The following PCLO variants were observed in gnomAD, a reference collection of about 807,000 sequenced individuals.
The protein encoded by PCLO is piccolo presynaptic cytomatrix protein.
PCLO carries 82 observed loss-of-function variants against 427.5 expected under a neutral mutation model. That is an observed-to-expected ratio of 0.19 (90% CI 0.16 to 0.23). PCLO has a LOEUF of 0.23. PCLO is among the 10% of genes least tolerant of loss of function. PCLO has a pLI of 1.00. For synonymous variants in PCLO, 2,357 were observed against 2,155.4 expected, an observed-to-expected ratio of 1.09 and a Z score of -2.59; for missense variants, 6,239 against 6,115.9, an observed-to-expected ratio of 1.02 and a Z score of -0.67.
chr7:82,890,239 C>G (rs1379767882), intron 9 of PCLO, among the ~76,000 whole-genome samples: 1 of 151,900 alleles, frequency 6.6e-6, no homozygotes, highest in Admixed American at 6.6e-5. Flanking sequence ...AATACGTGTT[C>G]TCTATATTCC....
At chr7:82,824,132 T>C (rs935327701) in intron 19 of PCLO, 104 bp downstream of exon 19, 1 of 723,802 alleles carries the variant, frequency 1.4e-6, no homozygotes, top group Non-Finnish European at 2.2e-6. Flanking sequence ...TCCAGTCGTG[T>C]CTAATCTATT....
intron 22 of PCLO, among the ~76,000 whole-genome samples, chr7:82,771,512 A>G (rs1430547979): frequency 1.3e-5 from 2 of 152,066 alleles, no homozygotes; most frequent in African/African-American, 4.8e-5. Flanking sequence ...GTCAATGACA[A>G]ATACCAGTTG....
intron 16 of PCLO, among the ~76,000 whole-genome samples, chr7:82,831,840 C>A (rs1159099181): frequency 6.6e-6 from 1 of 152,164 alleles, no homozygotes; most frequent in Non-Finnish European, 1.5e-5. Context: ...AGCCATTCTT[C>A]AATAACAGTT....
intron 3 of PCLO, among the ~76,000 whole-genome samples, chr7:83,068,119 A>T (rs574255421): frequency 1.3e-5 from 2 of 152,286 alleles, no homozygotes; most frequent in South Asian, 4.1e-4. Context: ...CAGATTTTAT[A>T]CACACTAAAC....
intron 9 of PCLO, among the ~76,000 whole-genome samples, chr7:82,892,816 T>C (rs1158704196): frequency 6.6e-6 from 1 of 151,890 alleles, no homozygotes; most frequent in Non-Finnish European, 1.5e-5. Flanking sequence ...AAAAGACACA[T>C]GAAAAAATGC....
At chr7:82,883,119 CTG>C (rs1266946281) in intron 9 of PCLO, among the ~76,000 whole-genome samples, 7 of 152,070 alleles carry the variant, frequency 4.6e-5, no homozygotes, top group African/African-American at 1.7e-4. Context: ...TTTAAATCAA[CTG>C]TGTTGATTTT....
chr7:83,081,711 G>C lies in PCLO; in HGVS notation c.3300+52539C>G, dbSNP rs1375343836. Among the ~76,000 whole-genome samples the C allele has an allele frequency of 3.3e-5, 5 of 151,630 alleles. No individual in the cohort carries two copies. In the South Asian group the frequency reaches 1.0e-3, roughly 31 times the overall value. On this transcript the variant is annotated intron_variant, in intron 3 of 24. Transcript: ENST00000333891. ...CAATAGGTTGAGTATATAGATATTT[G>C]AGCCAGCCATAATTTGGTTAAAATA...
intron 14 of PCLO, among the ~76,000 whole-genome samples, chr7:82,840,652 A>G (rs183049180): frequency 5.9e-5 from 9 of 152,126 alleles, no homozygotes; most frequent in South Asian, 4.1e-4. Flanking sequence ...CCCTTTCTTT[A>G]TGCTTATCTT....
intron 13 of PCLO, 69 bp from the exon 14 acceptor site, chr7:82,841,578 C>T (rs1168444366): frequency 3.0e-6 from 3 of 991,084 alleles, no homozygotes; most frequent in Non-Finnish European, 4.7e-6. Flanking sequence ...TTTCGGCTTC[C>T]TTCTGAAATT....
At chr7:83,045,231 T>C (rs1789075373) in intron 3 of PCLO, among the ~76,000 whole-genome samples, 1 of 152,188 alleles carries the variant, frequency 6.6e-6, no homozygotes, top group Non-Finnish European at 1.5e-5. Context: ...CATGTCCTTT[T>C]GTAGAGAAAA....
At chr7:82,760,570 A>G (rs1005645188) in intron 24 of PCLO, 69 bp downstream of exon 24, 11 of 1,046,626 alleles carry the variant, frequency 1.1e-5, no homozygotes, top group African/African-American at 1.6e-5. Context: ...TAAATATTGA[A>G]TAATGGGATA....
At chr7:82,784,074 G>A (rs572566307) in intron 22 of PCLO, among the ~76,000 whole-genome samples, 231 of 152,100 alleles carry the variant, frequency 1.5e-3, no homozygotes, top group Non-Finnish European at 2.9e-3. Flanking sequence ...ACAAATATTC[G>A]GAGGTCTTTC....
In PCLO at chr7:82,755,720, T is replaced by C. The variant is rs966611006; in HGVS notation, c.*2855A>G. 7 of 152,070 alleles carry C rather than the reference T, an allele frequency of 4.6e-5. No homozygotes were observed. The highest frequency in any genetic ancestry group is 8.8e-5 in the Non-Finnish European group (6 of 68,008). 9.4% of individuals were successfully genotyped at this position (152,070 alleles called of 1,614,324 possible). ...GAGTGAAAAACCATGTACTGTGATA[T>C]GTACAAAAAAGTAAAAAACACCAAG... On this transcript the variant is annotated 3_prime_UTR_variant, in exon 25 of 25. Transcript: ENST00000333891.
Position 82,965,927 on chromosome 7 carries a change from T to G in PCLO, c.3861A>C (p.Glu1287Asp). 1 of 1,614,030 alleles carries G rather than the reference T, an allele frequency of 6.2e-7. No homozygotes were observed. Among genetic ancestry groups the G allele is most frequent in the Non-Finnish European group, 8.5e-7 (1 of 1,179,884 alleles). Residue 1287 changes from glutamate (E) to aspartate (D), a missense_variant, in exon 4 of 25, where the codon GAA becomes GAC. By Grantham distance (45) the Glu-to-Asp change is conservative. Transcript: ENST00000333891. ...CCATCTTGGTCTGTGGTTGTTTCCCTTCTTGCACTGTCTTTGGAGCCACTC... is the reference window on the plus strand; with the variant it reads ...CCATCTTGGTCTGTGGTTGTTTCCCGTCTTGCACTGTCTTTGGAGCCACTC... The part of the protein sequence containing the change: ...EGRVAPKTVQ[E>D]GKQPQTKMEG...
At chr7:83,024,568 A>C (rs1381514369) in intron 3 of PCLO, among the ~76,000 whole-genome samples, 1 of 152,148 alleles carries the variant, frequency 6.6e-6, no homozygotes, top group Admixed American at 6.5e-5. Flanking sequence ...TAGGTAAACA[A>C]AGCAGCCAGG....
intron 3 of PCLO, among the ~76,000 whole-genome samples, chr7:82,977,602 C>T (rs566512519): frequency 2.6e-4 from 39 of 151,760 alleles, no homozygotes; most frequent in African/African-American, 6.5e-4. Flanking sequence ...TCAGTAGAGT[C>T]GGGGTTTCAC....
intron 10 of PCLO, among the ~76,000 whole-genome samples, chr7:82,876,101 T>A (rs1440684329): frequency 1.3e-5 from 2 of 152,120 alleles, no homozygotes; most frequent in African/African-American, 4.8e-5. Context: ...TAAGTCTGCC[T>A]GGAAGTCATT....
chr7:83,056,474 T>C (rs1789381823), intron 3 of PCLO, among the ~76,000 whole-genome samples: 1 of 152,192 alleles, frequency 6.6e-6, no homozygotes, highest in Non-Finnish European at 1.5e-5. Context: ...AATTAGTCAA[T>C]ATCCACGTCG....
Position 82,952,879 on chromosome 7 carries a change from T to A in PCLO, c.8074A>T (p.Ser2692Cys). Residue 2692 changes from serine (S) to cysteine (C), a missense_variant, in exon 5 of 25, where the codon AGC becomes TGC. Around this residue, in one of 5 missense-constraint regions of PCLO, gnomAD observed 4,677 missense variants for 4,468.4 expected, o/e 1.05. Coordinates refer to ENST00000333891, the MANE Select transcript of PCLO (RefSeq NM_033026.6). ...TRSTAPSVGL[S>C]SISITIPPEP... ...GGAGGAATTGTTATGGAAATGCTGCTGAGACCAACACTAGGAGCTGTACTT... is the reference window on the plus strand; with the variant it reads ...GGAGGAATTGTTATGGAAATGCTGCAGAGACCAACACTAGGAGCTGTACTT... The A allele has an allele frequency of 6.2e-7, 1 of 1,613,942 alleles. No homozygotes were observed. Among genetic ancestry groups the A allele is most frequent in the East Asian group, 2.2e-5 (1 of 44,866 alleles).
Sources: allele counts gnomAD v4.1 joint callset (sites outside exome capture counted in the v4.1 genomes callset), GRCh38; gene constraint gnomAD v4.1.1; regional missense constraint gnomAD v4.1.1; transcripts MANE v1.5; gene names NCBI Gene and HGNC (gene_info 2026-07-23, HGNC 2026-07-21).